Variants in TMC2 observed in about 807,000 individuals in gnomAD.
TMC2 encodes the protein transmembrane channel like 2.
Under a neutral mutation model 105.9 loss-of-function variants are expected in TMC2, and 102 were observed. The ratio of observed to expected loss-of-function variants is 0.96; its 90% CI spans 0.82 to 1.14. TMC2 has a LOEUF of 1.14. Ranked by LOEUF, TMC2 falls within the 50% of genes most tolerant of loss-of-function variation. The pLI, the probability that TMC2 is intolerant of heterozygous loss-of-function variation, is 0.00. For synonymous variants in TMC2, 402 were observed against 422.8 expected (o/e 0.95, Z 0.60); for missense variants, 1,093 against 1,134.3 (o/e 0.96, Z 0.52).
At chr20:2,617,014 C>T in intron 15 of TMC2, 58 bp from the exon 16 acceptor site, 8 of 1,606,698 alleles carry the variant, frequency 5.0e-6, no homozygotes, top group Non-Finnish European at 6.8e-6. Context: ...CTTCTATCAC[C>T]CTTCCCTCGC....
chr20:2,545,767 G>A (rs1181046510), intron 2 of TMC2, among the ~76,000 whole-genome samples: 1 of 149,132 alleles, frequency 6.7e-6, no homozygotes, highest in Admixed American at 6.8e-5. Flanking sequence ...AGACGAGGAA[G>A]AAGAAGATGA....
At chr20:2,594,277 G>T (rs1568517357) in intron 8 of TMC2, among the ~76,000 whole-genome samples, 1 of 140,370 alleles carries the variant, frequency 7.1e-6, no homozygotes, top group African/African-American at 2.6e-5. Context: ...GCCCAGGCTG[G>T]AGTGCACGGG....
At chr20:2,625,031 T>C (rs978734323) in intron 17 of TMC2, among the ~76,000 whole-genome samples, 54 of 152,096 alleles carry the variant, frequency 3.6e-4, no homozygotes, top group Non-Finnish European at 8.8e-5. Flanking sequence ...TTCGAAAATC[T>C]CTGTATCCCC....
chr20:2,567,748 C>A (rs1388013329), intron 4 of TMC2, among the ~76,000 whole-genome samples: 1 of 151,204 alleles, frequency 6.6e-6, no homozygotes, highest in Non-Finnish European at 1.5e-5. Context: ...CAATTGTGAA[C>A]ACATGAAACA....
chr20:2,640,638 C>T (rs574521895), intron 19 of TMC2, among the ~76,000 whole-genome samples: 10 of 152,276 alleles, frequency 6.6e-5, no homozygotes, highest in Admixed American at 3.9e-4. Flanking sequence ...CACTCATCCA[C>T]AAGGGAACCA....
chr20:2,604,502 CT>C (rs1262481543), intron 11 of TMC2, among the ~76,000 whole-genome samples: 4 of 152,136 alleles, frequency 2.6e-5, no homozygotes, highest in African/African-American at 7.2e-5. Flanking sequence ...TTATATATTT[CT>C]TATTATATAT....
At chr20:2,638,134 G>A (rs2086662139) in intron 19 of TMC2, among the ~76,000 whole-genome samples, 1 of 152,172 alleles carries the variant, frequency 6.6e-6, no homozygotes, top group Admixed American at 6.5e-5. Flanking sequence ...AAGGTCAGGA[G>A]ATCGAGGCCA....
chr20:2,629,064 T>C (rs2086584660), intron 17 of TMC2, among the ~76,000 whole-genome samples: 1 of 151,990 alleles, frequency 6.6e-6, no homozygotes, highest in Admixed American at 6.6e-5. Context: ...ATCGCGCCAC[T>C]GTACTCCAGC....
chr20:2,605,360 T>A (rs1226117856), intron 11 of TMC2, among the ~76,000 whole-genome samples: 5 of 152,204 alleles, frequency 3.3e-5, no homozygotes, highest in Non-Finnish European at 7.3e-5. Flanking sequence ...CTCACCGTTC[T>A]GGAGGCTGGA....
chr20:2,589,836 A>AT (rs1275461532), intron 7 of TMC2, among the ~76,000 whole-genome samples: 5 of 152,032 alleles, frequency 3.3e-5, no homozygotes, highest in Non-Finnish European at 5.9e-5. Flanking sequence ...TGCCCGGCTA[A>AT]TTTTTTGTAT....
chr20:2,633,887 G>A (rs921667716), intron 17 of TMC2, among the ~76,000 whole-genome samples: 1 of 152,150 alleles, frequency 6.6e-6, no homozygotes, highest in Non-Finnish European at 1.5e-5. Flanking sequence ...TTTGAGTTCT[G>A]AAAAAATTTG....
chr20:2,549,477 T>G (rs868687266), intron 2 of TMC2, among the ~76,000 whole-genome samples: 1 of 152,212 alleles, frequency 6.6e-6, no homozygotes, highest in African/African-American at 2.4e-5. Context: ...GCATGGTTGC[T>G]TACGTCTGTA....
chr20:2,568,541 G>A (rs947402458), intron 4 of TMC2, among the ~76,000 whole-genome samples: 2 of 152,162 alleles, frequency 1.3e-5, no homozygotes, highest in Non-Finnish European at 2.9e-5. Flanking sequence ...TGACTCAGGC[G>A]CAAGAGCTGC....
At chr20:2,606,152 T>C (rs1331930551) in intron 11 of TMC2, among the ~76,000 whole-genome samples, 3 of 152,248 alleles carry the variant, frequency 2.0e-5, no homozygotes, top group Admixed American at 6.5e-5. Context: ...TTTTTACCTA[T>C]ATGCCAAGAT....
Position 2,641,248 on chromosome 20 carries a change from T to G in TMC2, c.2618T>G (p.Ile873Arg). The G allele has an allele frequency of 6.2e-7, 1 of 1,614,152 alleles. No individual in the cohort carries two copies. Among genetic ancestry groups the G allele is most frequent in the African/African-American group, 1.3e-5 (1 of 75,024 alleles). The change falls in exon 20 of 20, where the codon ATA becomes AGA. Residue 873 changes from isoleucine (I) to arginine (R), a missense_variant. Coordinates refer to ENST00000358864, the MANE Select transcript of TMC2 (RefSeq NM_080751.3). ...CTGCCTGCCTCTGGACACCTTCCTA[T>G]ATCTCGGCCCCCTGGAATCGGACCA... is the stretch of plus-strand genomic sequence containing the variant. The part of the protein sequence containing the change: ...TTLPASGHLP[I>R]SRPPGIGPDS...
In TMC2 at chr20:2,616,310, T is replaced by C. The variant is rs2086481495; in HGVS notation, c.1940+106T>C. The C allele has an allele frequency of 2.2e-6, 2 of 913,158 alleles. No homozygotes were observed. The highest frequency in any genetic ancestry group is 3.3e-5 in the African/African-American group (2 of 61,318). The allele number at this position is 913,158 out of a possible 1,614,324, so 56.6% of individuals were successfully genotyped here. A position where few individuals can be genotyped will look rare whatever the true frequency, so the allele number is the denominator to read the frequency against. On this transcript the variant is annotated intron_variant, in intron 15 of 19. Coordinates refer to ENST00000358864, the MANE Select transcript of TMC2 (RefSeq NM_080751.3). The surrounding 1 kb of genome is among the most constrained non-coding windows in gnomAD (Gnocchi z 4.8). ...TTGGAAGAGGCTAGATAAGTCCTCT[T>C]GCCTCTCTGAACTCCCCTCTTTCAC...
At chr20:2,604,553 C>T (rs1273465478) in intron 11 of TMC2, among the ~76,000 whole-genome samples, 1 of 152,102 alleles carries the variant, frequency 6.6e-6, no homozygotes, top group Non-Finnish European at 1.5e-5. Flanking sequence ...CCCTAAAACC[C>T]TTGGAATCTC....
chr20:2,561,805 G>A, intron 3 of TMC2, 53 bp from the exon 4 acceptor site: 1 of 1,581,180 alleles, frequency 6.3e-7, no homozygotes, highest in Non-Finnish European at 8.6e-7. Context: ...AGCACCTGAG[G>A]ACACCACCTC....
intron 11 of TMC2, among the ~76,000 whole-genome samples, chr20:2,606,891 C>CT (rs11476357): frequency 0.016 from 1,385 of 83,968 alleles, 16 homozygotes; most frequent in African/African-American, 0.026. Context: ...TTTCTTTTTT[C>CT]TTTTTTTTTT....
Sources: allele counts gnomAD v4.1 joint callset (sites outside exome capture counted in the v4.1 genomes callset), GRCh38; gene constraint gnomAD v4.1.1; non-coding constraint Gnocchi (gnomAD v3.1); transcripts MANE v1.5; gene names NCBI Gene and HGNC (gene_info 2026-07-23, HGNC 2026-07-21).